COL26A1: variants seen among roughly 807,000 people sequenced by gnomAD.
The protein encoded by COL26A1 is collagen type XXVI alpha 1 chain, also known as collagen alpha-1(XXVI) chain.
Under a neutral mutation model 59.3 loss-of-function variants are expected in COL26A1, and 41 were observed. The ratio of observed to expected loss-of-function variants is 0.69; its 90% CI spans 0.54 to 0.90. The LOEUF (loss-of-function observed/expected upper bound fraction) is 0.90, where lower values mean the gene tolerates loss of function less well. Ranked by LOEUF, COL26A1 falls within the 40% of genes least tolerant of loss-of-function variation. The pLI, the probability that COL26A1 is intolerant of heterozygous loss-of-function variation, is 0.00. For synonymous variants in COL26A1, 266 were observed against 256.0 expected, an observed-to-expected ratio of 1.04 and a Z score of -0.37; for missense variants, 612 against 602.3, an observed-to-expected ratio of 1.02 and a Z score of -0.17.
chr7:101,520,663 C>CACACA (rs57784373), intron 3 of COL26A1, among the ~76,000 whole-genome samples: 4 of 139,058 alleles, frequency 2.9e-5, no homozygotes, highest in African/African-American at 6.3e-5. Context: ...CACACACACA[C>CACACA]CCCCGTGTTC....
intron 1 of COL26A1, among the ~76,000 whole-genome samples, chr7:101,418,500 G>A (rs539373726): frequency 1.3e-5 from 2 of 151,724 alleles, no homozygotes; most frequent in South Asian, 2.1e-4. Context: ...ACAGGGTCTC[G>A]CTCTGTCACC....
chr7:101,387,546 C>A, intron 1 of COL26A1, among the ~76,000 whole-genome samples: 1 of 131,662 alleles, frequency 7.6e-6, no homozygotes. Flanking sequence ...CTTTTATTTT[C>A]TTCTTTTTAT....
chr7:101,550,381 A>C (rs1454088571), intron 9 of COL26A1, among the ~76,000 whole-genome samples: 2 of 152,202 alleles, frequency 1.3e-5, no homozygotes, highest in Non-Finnish European at 2.9e-5. Context: ...GGATGGCTTG[A>C]GCCCAGGAGT....
intron 3 of COL26A1, among the ~76,000 whole-genome samples, chr7:101,475,886 C>A (rs185105756): frequency 7.2e-6 from 1 of 138,730 alleles, no homozygotes; most frequent in Non-Finnish European, 1.6e-5. Flanking sequence ...CTCTTTCTCT[C>A]TCTTTCTTTC....
chr7:101,530,816 C>T (rs187437975), intron 3 of COL26A1, among the ~76,000 whole-genome samples: 87 of 152,270 alleles, frequency 5.7e-4, no homozygotes, highest in African/African-American at 1.8e-3. Context: ...TCTCCATCCC[C>T]GCCTTGGGTT....
chr7:101,380,815 C>A (rs1425578419), intron 1 of COL26A1, among the ~76,000 whole-genome samples: 1 of 152,174 alleles, frequency 6.6e-6, no homozygotes, highest in Non-Finnish European at 1.5e-5. Flanking sequence ...GCTCTTAGAG[C>A]TAGCTCTCTA....
chr7:101,387,778 A>ATTTTTTTTTTTTTTTTTT (rs1554404085), intron 1 of COL26A1, among the ~76,000 whole-genome samples: 3 of 84,834 alleles, frequency 3.5e-5, no homozygotes, highest in African/African-American at 5.0e-5. Flanking sequence ...ATATATATAT[A>ATTTTTTTTTTTTTTTTTT]TTTTTTTTTA....
At chr7:101,487,227 C>A (rs1029970264) in intron 3 of COL26A1, among the ~76,000 whole-genome samples, 1 of 152,208 alleles carries the variant, frequency 6.6e-6, no homozygotes, top group South Asian at 2.1e-4. Flanking sequence ...AGTATCCCAG[C>A]AGGCCTGGGG....
At chr7:101,419,026 T>G (rs1303078513) in intron 1 of COL26A1, among the ~76,000 whole-genome samples, 1 of 147,980 alleles carries the variant, frequency 6.8e-6, no homozygotes, top group Non-Finnish European at 1.5e-5. Context: ...CTCTTTCCCT[T>G]CCTCCCTCCC....
intron 3 of COL26A1, among the ~76,000 whole-genome samples, chr7:101,528,155 G>A (rs576248875): frequency 3.2e-4 from 48 of 152,006 alleles, no homozygotes; most frequent in African/African-American, 9.6e-4. Flanking sequence ...CATGTCCACC[G>A]TTGGCCAAGC....
chr7:101,512,998 T>TATTATTA (rs1794957863), intron 3 of COL26A1, among the ~76,000 whole-genome samples: 1 of 103,854 alleles, frequency 9.6e-6, no homozygotes, highest in African/African-American at 5.7e-5. Context: ...TTTACAATTT[T>TATTATTA]ATTATTATTA....
chr7:101,429,711 G>A (rs557228473), intron 2 of COL26A1, among the ~76,000 whole-genome samples: 7 of 148,280 alleles, frequency 4.7e-5, no homozygotes, highest in African/African-American at 1.7e-4. Flanking sequence ...TCCTGCCTCA[G>A]CCTCCCGAGT....
At chr7:101,554,567 T>TAAAAAAAAAAAAAAA (rs57638079) in intron 11 of COL26A1, among the ~76,000 whole-genome samples, 1 of 120,504 alleles carries the variant, frequency 8.3e-6, no homozygotes, top group Non-Finnish European at 1.7e-5. Flanking sequence ...CCCCATTTCT[T>TAAAAAAAAAAAAAAA]AAAAAAAAAA....
chr7:101,397,346 T>C (rs1456322736), intron 1 of COL26A1, among the ~76,000 whole-genome samples: 1 of 149,266 alleles, frequency 6.7e-6, no homozygotes, highest in Non-Finnish European at 1.5e-5. Flanking sequence ...AGAATTGCTT[T>C]CTTTTCCTTC....
rs199667964 is a variant in COL26A1, at chr7:101,475,924, T to C, written c.385+28137T>C. ...TCTCTTTCTCTCTCTCTCTCTTTCT[T>C]TCTCTCTCTCTTTCTTTCTTCTTTC... On this transcript the variant is annotated intron_variant, in intron 3 of 12. Transcript: ENST00000313669. 1.4e-3 allele frequency among the ~76,000 whole-genome samples: 192 copies of C among 138,926 alleles called. 2 individuals carry two copies. The highest frequency in any genetic ancestry group is 4.8e-3 in the African/African-American group (177 of 36,576). The allele number at this position is 138,926 out of a possible 152,430, so 91.1% of individuals were successfully genotyped here.
intron 2 of COL26A1, among the ~76,000 whole-genome samples, chr7:101,446,028 CAG>C (rs1278791940): frequency 9.5e-6 from 1 of 105,296 alleles, no homozygotes; most frequent in Non-Finnish European, 1.8e-5. Context: ...AGCCTGATGA[CAG>C]AGCAAGACTC....
intron 3 of COL26A1, among the ~76,000 whole-genome samples, chr7:101,531,199 C>T (rs748771007): frequency 2.6e-4 from 39 of 152,264 alleles, no homozygotes; most frequent in Middle Eastern, 6.8e-3. Flanking sequence ...TCTCGATCTC[C>T]TGACCTCATG....
chr7:101,500,727 G>A (rs529804078), intron 3 of COL26A1, among the ~76,000 whole-genome samples: 25 of 151,730 alleles, frequency 1.6e-4, no homozygotes, highest in African/African-American at 5.8e-4. Context: ...AGGCTGAGGC[G>A]GGAGAATCAC....
At chr7:101,384,228 T>TG (rs1313017335) in intron 1 of COL26A1, among the ~76,000 whole-genome samples, 4 of 136,230 alleles carry the variant, frequency 2.9e-5, no homozygotes, top group African/African-American at 5.6e-5. Flanking sequence ...TTGTTCAGGC[T>TG]GGTTTTTTTT....
Sources: allele counts gnomAD v4.1 joint callset (sites outside exome capture counted in the v4.1 genomes callset), GRCh38; gene constraint gnomAD v4.1.1; transcripts MANE v1.5; gene names NCBI Gene and HGNC (gene_info 2026-07-23, HGNC 2026-07-21).